BCL11B: variants seen among roughly 807,000 people sequenced by gnomAD.
BCL11B encodes the protein BCL11 transcription factor B, also known as B-cell lymphoma/leukemia 11B.
BCL11B carries 8 observed loss-of-function variants against 49.9 expected under a neutral mutation model. That is an observed-to-expected ratio of 0.16 (90% CI 0.09 to 0.29). The LOEUF is 0.29. Among genes scored for constraint, BCL11B ranks in the 10% least tolerant of loss-of-function variants. BCL11B has a pLI of 1.00. For synonymous variants in BCL11B, 739 were observed against 637.4 expected (o/e 1.16, Z -2.40); for missense variants, 1,006 against 1,351.0 (o/e 0.74, Z 4.00).
intron 1 of BCL11B, among the ~76,000 whole-genome samples, chr14:99,268,026 C>T (rs1283549520): frequency 2.6e-5 from 4 of 152,112 alleles, no homozygotes; most frequent in Admixed American, 2.6e-4. Flanking sequence ...CAGCCGATCC[C>T]CCTTAACCTC....
rs1887738436 is a variant in BCL11B, at chr14:99,213,260, C to T, written c.640+18085G>A. ...CGGAGGCTCGGCCGACCTGGGTGTG[C>T]CAGCACAAAAGAGGATGAAGGCCCC... On this transcript the variant is annotated intron_variant, in intron 3 of 3. Transcript: ENST00000357195. This position sits in a 1 kb window ranked among gnomAD's most constrained non-coding sequence, Gnocchi z 5.1. Among the ~76,000 whole-genome samples, 1 of 152,158 alleles carries T rather than the reference C, an allele frequency of 6.6e-6. No individual in the cohort carries two copies. Among genetic ancestry groups the T allele is most frequent in the Admixed American group, 6.5e-5 (1 of 15,286 alleles).
rs1290762271 is a variant in BCL11B at position 99,213,609 on chromosome 14, C to T, written c.640+17736G>A. 6.6e-6 allele frequency among the ~76,000 whole-genome samples: 1 copy of T among 152,184 alleles called. No homozygotes were observed. Among genetic ancestry groups the T allele is most frequent in the Admixed American group, 6.5e-5 (1 of 15,282 alleles). On this transcript the variant is annotated intron_variant, in intron 3 of 3. Coordinates refer to ENST00000357195, the MANE Select transcript of BCL11B (RefSeq NM_138576.4). This position sits in a 1 kb window ranked among gnomAD's most constrained non-coding sequence, Gnocchi z 5.1. ...AAAAGTACAAATGCAGAACCCCAGC[C>T]GGTGCCTGTCTCCCACACTCCCGGA...
intron 3 of BCL11B, among the ~76,000 whole-genome samples, chr14:99,197,106 G>C (rs958673180): frequency 1.3e-5 from 2 of 152,150 alleles, no homozygotes; most frequent in Non-Finnish European, 2.9e-5. Flanking sequence ...CCCAACACCA[G>C]ACCAGAAGCT....
chr14:99,185,050 G>A (rs920103879), intron 3 of BCL11B, among the ~76,000 whole-genome samples: 2 of 152,174 alleles, frequency 1.3e-5, no homozygotes, highest in South Asian at 4.1e-4. Flanking sequence ...GTCAGGGAGT[G>A]GGAGTGGGTT....
chr14:99,256,271 C>G (rs1368862596), intron 2 of BCL11B, among the ~76,000 whole-genome samples: 1 of 152,232 alleles, frequency 6.6e-6, no homozygotes, highest in African/African-American at 2.4e-5. Flanking sequence ...CAGCCAGCCA[C>G]CTACTTGCAC....
rs1365068592 is a variant in BCL11B at position 99,171,685 on chromosome 14, A to G, written c.*2466T>C. The G allele has an allele frequency of 3.3e-5, 7 of 209,936 alleles. No homozygotes were observed. The South Asian group carries it at 1.1e-3, about 34-fold the overall frequency. 13.0% of individuals were successfully genotyped at this position (209,936 alleles called of 1,614,324 possible). A position where few individuals can be genotyped will look rare whatever the true frequency, so the allele number is the denominator to read the frequency against. On this transcript the variant is annotated 3_prime_UTR_variant, in exon 4 of 4. Transcript: ENST00000357195. Reference sequence around the variant, plus strand: ...CATACTTTTTCTACATGGTGTAGCAATCCCCTTTGAATCCCCAAATACAAG... The same window carrying G: ...CATACTTTTTCTACATGGTGTAGCAGTCCCCTTTGAATCCCCAAATACAAG...
intron 2 of BCL11B, among the ~76,000 whole-genome samples, chr14:99,256,721 G>A (rs1164802394): frequency 1.3e-5 from 2 of 152,166 alleles, no homozygotes; most frequent in Admixed American, 1.3e-4. Context: ...GGGACAGAGG[G>A]GCCCTAGACC....
At chr14:99,236,449 G>A (rs765501654) in intron 2 of BCL11B, among the ~76,000 whole-genome samples, 3 of 152,028 alleles carry the variant, frequency 2.0e-5, no homozygotes, top group Admixed American at 6.5e-5. Flanking sequence ...TTCTTTTTCC[G>A]GTTTGCTACA....
chr14:99,225,772 C>T (rs537745269), intron 3 of BCL11B, among the ~76,000 whole-genome samples: 1 of 152,330 alleles, frequency 6.6e-6, no homozygotes, highest in East Asian at 1.9e-4. Flanking sequence ...GCCTTCAGAA[C>T]GTCTGAAGGG....
chr14:99,176,113 C>T lies in BCL11B; in HGVS notation c.723G>A (p.Gln241=), dbSNP rs745827725. 2.5e-6 allele frequency: 4 copies of T among 1,610,812 alleles called. No individual in the cohort carries two copies. The Admixed American group carries it at 6.7e-5, about 27-fold the overall frequency. ...GGTAGATGCGGAAGCCGTGCGTGTTCTGCGCGTGCTGCAGCAGGAACCACG... is the reference window on the plus strand; with the variant it reads ...GGTAGATGCGGAAGCCGTGCGTGTTTTGCGCGTGCTGCAGCAGGAACCACG... ...NSAWFLLQHA[Q]NTHGFRIYLE... is the part of the protein sequence containing the mutation. The change falls in exon 4 of 4, where the codon CAG becomes CAA. Residue 241 remains glutamine (Q), a synonymous_variant. Transcript: ENST00000357195.
At chr14:99,251,763 T>C (rs1422630765) in intron 2 of BCL11B, among the ~76,000 whole-genome samples, 3 of 152,160 alleles carry the variant, frequency 2.0e-5, no homozygotes, top group Admixed American at 1.3e-4. Flanking sequence ...ATATCTGGGA[T>C]GGGCTTCAAA....
At position 99,190,666 on chromosome 14, in the gene BCL11B, C is replaced by T. The variant is rs1427230717; in HGVS notation, c.641-14471G>A. Among the ~76,000 whole-genome samples, 5 of 152,322 alleles carry T rather than the reference C, an allele frequency of 3.3e-5. No homozygotes were observed. In the East Asian group the frequency reaches 9.7e-4, roughly 29 times the overall value. ...GGCAGTAAAACTGAGAAAGTTCCAA[C>T]ACACACTGCCAAAACCACTGGCAAA... On this transcript the variant is annotated intron_variant, in intron 3 of 3. Transcript: ENST00000357195.
At chr14:99,206,557 T>G (rs1430257920) in intron 3 of BCL11B, among the ~76,000 whole-genome samples, 1 of 152,232 alleles carries the variant, frequency 6.6e-6, no homozygotes, top group East Asian at 1.9e-4. Context: ...AGACACCACC[T>G]GCCCCTTAGT....
At chr14:99,244,912 CTT>C (rs1327425215) in intron 2 of BCL11B, among the ~76,000 whole-genome samples, 2 of 152,138 alleles carry the variant, frequency 1.3e-5, no homozygotes, top group African/African-American at 4.8e-5. Flanking sequence ...TACCTTGACT[CTT>C]GTTATAGCAA....
chr14:99,225,007 T>C (rs1396049647), intron 3 of BCL11B, among the ~76,000 whole-genome samples: 2 of 152,166 alleles, frequency 1.3e-5, no homozygotes, highest in East Asian at 1.9e-4. Context: ...CCACTGCAGA[T>C]AGCAGAGCTG....
At chr14:99,246,614 C>G (rs1318902448) in intron 2 of BCL11B, among the ~76,000 whole-genome samples, 2 of 152,202 alleles carry the variant, frequency 1.3e-5, no homozygotes, top group African/African-American at 4.8e-5. Flanking sequence ...ATGCAGCCGC[C>G]CCCGCGGAGC....
intron 3 of BCL11B, among the ~76,000 whole-genome samples, chr14:99,187,886 G>A (rs7157074): frequency 0.06 from 9,043 of 151,916 alleles, 941 homozygotes; most frequent in African/African-American, 0.21. Flanking sequence ...AAAAAATCTC[G>A]ACATTCCACC....
Position 99,194,176 on chromosome 14 carries a change from G to A in BCL11B, c.641-17981C>T, listed in dbSNP as rs1465323501. 1.3e-5 allele frequency among the ~76,000 whole-genome samples: 2 copies of A among 152,090 alleles called. No individual in the cohort carries two copies. Among genetic ancestry groups the A allele is most frequent in the Non-Finnish European group, 1.5e-5 (1 of 68,020 alleles). On this transcript the variant is annotated intron_variant, in intron 3 of 3. Coordinates refer to ENST00000357195, the MANE Select transcript of BCL11B (RefSeq NM_138576.4). The surrounding 1 kb of genome is among the most constrained non-coding windows in gnomAD (Gnocchi z 4.6). ...ACGAAATATCAGGAAGCTCAGGGCA[G>A]GTGACAGGGCGACCACCTGGACACC...
chr14:99,225,657 A>AAAGAAAG (rs1555381474), intron 3 of BCL11B, among the ~76,000 whole-genome samples: 1 of 152,136 alleles, frequency 6.6e-6, no homozygotes, highest in Non-Finnish European at 1.5e-5. Context: ...AAAAGGGAAA[A>AAAGAAAG]AAAGAAAGAA....
Sources: allele counts gnomAD v4.1 joint callset (sites outside exome capture counted in the v4.1 genomes callset), GRCh38; gene constraint gnomAD v4.1.1; non-coding constraint Gnocchi (gnomAD v3.1); transcripts MANE v1.5; gene names NCBI Gene and HGNC (gene_info 2026-07-23, HGNC 2026-07-21).